The following NEB variants were observed in gnomAD, a reference collection of about 807,000 sequenced individuals.
NEB encodes nemaline myopathy type 2.
NEB carries 512 observed loss-of-function variants against 952.2 expected under a neutral mutation model. That is an observed-to-expected ratio of 0.54 (90% CI 0.50 to 0.58). The LOEUF (loss-of-function observed/expected upper bound fraction) is 0.58, where lower values mean the gene tolerates loss of function less well. Among genes scored for constraint, NEB ranks in the 20% least tolerant of loss-of-function variants. The pLI is 0.00. For missense variants in NEB, 8,428 were observed against 9,231.1 expected (o/e 0.91, Z 3.56); for synonymous variants, 2,900 against 3,149.8 (o/e 0.92, Z 2.66).
At chr2:151,695,719 T>G (rs757883918) in intron 17 of NEB, 37 bp from the exon 18 acceptor site, 1 of 1,458,032 alleles carries the variant, frequency 6.9e-7, no homozygotes, top group East Asian at 2.3e-5. Context: ...TCAGAAGAAT[T>G]GTTCCAGAAT....
intron 176 of NEB, chr2:151,492,712 C>T: frequency 5.4e-6 from 2 of 367,850 alleles, no homozygotes; most frequent in Non-Finnish European, 9.8e-6. Context: ...GAAAATGAAA[C>T]TCATTTTCAA....
In NEB at chr2:151,724,345, C is replaced by T. The variant is rs2099784151; in HGVS notation, c.527G>A (p.Trp176Ter). 1 of 1,611,610 alleles carries T rather than the reference C, an allele frequency of 6.2e-7. No individual in the cohort carries two copies. Among genetic ancestry groups the T allele is most frequent in the Non-Finnish European group, 8.5e-7 (1 of 1,178,990 alleles). ...QVSKVLYKQNWEDTKDKYLLP... is the reference protein window; with the variant it reads ...QVSKVLYKQN ...CAGGTACTTATCCTTGGTGTCTTCCCAGTTCTGCTTGTATAAAACCTAGAC... is the reference window on the plus strand; with the variant it reads ...CAGGTACTTATCCTTGGTGTCTTCCTAGTTCTGCTTGTATAAAACCTAGAC... The change falls in exon 8 of 182, where the codon TGG becomes TAG. Residue 176 changes from tryptophan to a stop codon, truncating the protein, a stop_gained. Coordinates refer to ENST00000397345, the MANE Select transcript of NEB (RefSeq NM_001164508.2). LOFTEE classifies it high-confidence loss of function.
chr2:151,673,483 T>C (rs544291371), intron 36 of NEB, among the ~76,000 whole-genome samples: 37 of 151,906 alleles, frequency 2.4e-4, no homozygotes, highest in African/African-American at 8.9e-4. Flanking sequence ...CTGTAGACTT[T>C]CACTTTCTAC....
intron 42 of NEB, 76 bp downstream of exon 42, chr2:151,665,257 G>T (rs2099200169): frequency 2.2e-6 from 3 of 1,364,330 alleles, no homozygotes; most frequent in South Asian, 1.2e-5. Flanking sequence ...TGTAGGAGAC[G>T]ATTGGGGCAC....
intron 27 of NEB, among the ~76,000 whole-genome samples, chr2:151,685,833 A>G (rs2148883224): frequency 6.6e-6 from 1 of 152,288 alleles, no homozygotes; most frequent in South Asian, 2.1e-4. Flanking sequence ...CCATGGTCAC[A>G]TATGTGTTAG....
In NEB at chr2:151,524,538, G is replaced by T; in HGVS notation, c.22351C>A (p.Gln7451Lys). 2 of 1,613,564 alleles carry T rather than the reference G, an allele frequency of 1.2e-6. No individual in the cohort carries two copies. Among genetic ancestry groups the T allele is most frequent in the Non-Finnish European group, 1.7e-6 (2 of 1,179,848 alleles). The change falls in exon 152 of 182, where the codon CAG becomes AAG. Residue 7451 changes from glutamine to lysine, a missense_variant. This residue lies in a region of NEB where 3,374 missense variants were observed against 3,651.5 expected (regional missense o/e 0.92). Coordinates refer to ENST00000397345, the MANE Select transcript of NEB (RefSeq NM_001164508.2). ...ADRPDIKKAT[Q>K]AAKQASEVEY... ...ACCTCACTGGCCTGTTTGGCTGCCTGTGTGGCCTTCTTGATGTCTGGTCGA... is the reference window on the plus strand; with the variant it reads ...ACCTCACTGGCCTGTTTGGCTGCCTTTGTGGCCTTCTTGATGTCTGGTCGA...
Position 151,533,506 on chromosome 2 carries a change from C to T in NEB, c.21353G>A (p.Gly7118Glu). Residue 7118 changes from glycine (G) to glutamate (E), a missense_variant, in exon 143 of 182, where the codon GGA (glycine) becomes GAA (glutamate). By Grantham distance (98) the Gly-to-Glu change is moderately conservative (BLOSUM62 -2). This residue lies in a region of NEB where 3,374 missense variants were observed against 3,651.5 expected (regional missense o/e 0.92). Transcript: ENST00000397345. ...KSSAKMFLQH[G>E]CNEILRPDML... is the part of the protein sequence containing the mutation. ...ATCTGGACGCAGAATTTCATTACAT[C>T]CATGTTGCAGAAACATCTTGGCACT... is the stretch of plus-strand genomic sequence containing the variant. 2 of 1,551,484 alleles carry T rather than the reference C, an allele frequency of 1.3e-6. No individual in the cohort carries two copies. Among genetic ancestry groups the T allele is most frequent in the Non-Finnish European group, 1.7e-6 (2 of 1,146,820 alleles).
intron 65 of NEB, among the ~76,000 whole-genome samples, chr2:151,632,848 G>A (rs916655387): frequency 4.6e-5 from 7 of 152,038 alleles, no homozygotes; most frequent in Non-Finnish European, 7.4e-5. Context: ...CAATATTGTC[G>A]TTGTATGGGT....
intron 13 of NEB, among the ~76,000 whole-genome samples, chr2:151,700,804 C>G (rs1196180078): frequency 7.4e-6 from 1 of 135,760 alleles, no homozygotes; most frequent in African/African-American, 2.8e-5. Context: ...ATCATGTCGT[C>G]TGCAAACAGG....
intron 41 of NEB, 58 bp from the exon 42 acceptor site, chr2:151,665,597 G>A (rs2099205192): frequency 2.9e-6 from 4 of 1,387,324 alleles, no homozygotes; most frequent in Non-Finnish European, 3.9e-6. Context: ...TGTTTCTTTG[G>A]CTATGTGATT....
chr2:151,540,682 G>T lies in NEB; in HGVS notation c.20787+15C>A. ...TCTTTTTACCCAGTGCCTCAGTGCT[G>T]AATTCCCATCTTACCTCACTGACCA... On this transcript the variant is annotated intron_variant, in intron 137 of 181. Coordinates refer to ENST00000397345, the MANE Select transcript of NEB (RefSeq NM_001164508.2). 6.2e-7 allele frequency: 1 copy of T among 1,607,140 alleles called. No individual in the cohort carries two copies. Among genetic ancestry groups the T allele is most frequent in the African/African-American group, 1.3e-5 (1 of 74,854 alleles).
intron 84 of NEB, among the ~76,000 whole-genome samples, chr2:151,605,544 A>C (rs2097669138): frequency 8.1e-6 from 1 of 123,552 alleles, no homozygotes; most frequent in South Asian, 2.5e-4. Context: ...TGAGTGTCTC[A>C]GGACTAGTGT....
chr2:151,662,138 G>A lies in NEB; in HGVS notation c.5967C>T (p.Asn1989=), dbSNP rs371151246. ...VLAQNNAKIM[N]EHLYKQAWEA... ...ACTGCATTATTGAAAGACTTACTTC[G>A]TTCATAATTTTTGCATTATTCTGGG... The change falls in exon 46 of 182, where the codon AAC becomes AAT. Residue 1989 remains asparagine, a synonymous_variant. Coordinates refer to ENST00000397345, the MANE Select transcript of NEB (RefSeq NM_001164508.2). The A allele has an allele frequency of 9.8e-5, 157 of 1,609,036 alleles. No individual in the cohort carries two copies. The highest frequency in any genetic ancestry group is 6.6e-4 in the Middle Eastern group (4 of 6,036).
chr2:151,548,493 A>G (rs1206722961), intron 130 of NEB, 78 bp from the exon 131 acceptor site: 4 of 1,011,786 alleles, frequency 4.0e-6, no homozygotes, highest in Non-Finnish European at 6.2e-6. Flanking sequence ...TAGAAAAGAG[A>G]TGTCACCTTT....
chr2:151,720,396 C>A (rs1272085405), intron 9 of NEB, among the ~76,000 whole-genome samples: 1 of 152,168 alleles, frequency 6.6e-6, no homozygotes, highest in African/African-American at 2.4e-5. Context: ...ATAGTACTGA[C>A]AACAGTATTA....
chr2:151,563,011 C>CT (rs397868741), intron 119 of NEB, among the ~76,000 whole-genome samples: 1,179 of 93,324 alleles, frequency 0.013, 40 homozygotes, highest in Non-Finnish European at 0.015. Context: ...AATTTCCCAT[C>CT]TTTTTTTTTT....
In NEB at chr2:151,627,637, C is replaced by G. The variant is rs183321773; in HGVS notation, c.10029G>C (p.Lys3343Asn). 7.7e-5 allele frequency: 124 copies of G among 1,613,994 alleles called. No individual in the cohort carries two copies. In the Middle Eastern group the frequency reaches 1.5e-3, roughly 19 times the overall value. Residue 3343 changes from lysine to asparagine, a missense_variant, in exon 69 of 182, where the codon AAG becomes AAC. Lys to Asn is a moderately conservative substitution (Grantham distance 94). Coordinates refer to ENST00000397345, the MANE Select transcript of NEB (RefSeq NM_001164508.2). ...VDMLGVVLAK[K>N]CQTLVSDVDY... ...CCACATCGCTGACTAAGGTCTGGCA[C>G]TTCTTGGCTAACACCACTCCCAGCA...
At chr2:151,620,211 TAGAG>T (rs1167172989) in intron 72 of NEB, among the ~76,000 whole-genome samples, 1 of 151,338 alleles carries the variant, frequency 6.6e-6, no homozygotes, top group Non-Finnish European at 1.5e-5. Context: ...ATTTAATAGG[TAGAG>T]AGTTTAAGTT....
chr2:151,521,646 T>C (rs1022313695), intron 153 of NEB, among the ~76,000 whole-genome samples: 3 of 152,216 alleles, frequency 2.0e-5, no homozygotes, highest in Non-Finnish European at 2.9e-5. Flanking sequence ...AAGTCCTCCT[T>C]CTGTCTTTTA....
Sources: allele counts gnomAD v4.1 joint callset (sites outside exome capture counted in the v4.1 genomes callset), GRCh38; gene constraint gnomAD v4.1.1; regional missense constraint gnomAD v4.1.1; transcripts MANE v1.5; gene names NCBI Gene and HGNC (gene_info 2026-07-23, HGNC 2026-07-21).